SH3RF2: variants seen among roughly 807,000 people sequenced by gnomAD.
SH3RF2 encodes E3 ubiquitin-protein ligase SH3RF2.
Under a neutral mutation model 59.0 loss-of-function variants are expected in SH3RF2, and 43 were observed. That is an observed-to-expected ratio of 0.73 (90% CI 0.57 to 0.94). The LOEUF is 0.94. SH3RF2 is among the 40% of genes least tolerant of loss of function. The probability of loss-of-function intolerance (pLI) is 0.00; values close to 1 mark genes in which losing one functional copy is unlikely to be tolerated. For missense variants in SH3RF2, 930 were observed against 940.1 expected (o/e 0.99, Z 0.14); for synonymous variants, 391 against 391.5 (o/e 1.00, Z 0.01).
intron 2 of SH3RF2, among the ~76,000 whole-genome samples, chr5:145,965,008 C>G (rs1580783359): frequency 6.6e-6 from 1 of 152,056 alleles, no homozygotes; most frequent in African/African-American, 2.4e-5. Flanking sequence ...GCCTGCGCAA[C>G]ACGGTGAAAC....
intron 9 of SH3RF2, 137 bp downstream of exon 9, chr5:146,060,361 T>C (rs893752304): frequency 1.4e-6 from 1 of 740,072 alleles, no homozygotes; most frequent in Non-Finnish European, 2.1e-6. Context: ...ATAACACTCC[T>C]CCTCCCCAAC....
intron 5 of SH3RF2, among the ~76,000 whole-genome samples, chr5:146,038,490 C>T (rs1395136362): frequency 6.6e-6 from 1 of 152,036 alleles, no homozygotes; most frequent in Non-Finnish European, 1.5e-5. Flanking sequence ...TTGCTGAATA[C>T]AAATCAATAT....
At chr5:145,971,103 T>C (rs1351198081) in intron 2 of SH3RF2, among the ~76,000 whole-genome samples, 2 of 152,192 alleles carry the variant, frequency 1.3e-5, no homozygotes, top group African/African-American at 2.4e-5. Flanking sequence ...CACTTTACCC[T>C]GCAAGAACTT....
At chr5:145,945,569 G>T (rs528583917) in intron 2 of SH3RF2, among the ~76,000 whole-genome samples, 1 of 152,268 alleles carries the variant, frequency 6.6e-6, no homozygotes, top group African/African-American at 2.4e-5. Context: ...GTCAGGAAGT[G>T]TATGGTCAAG....
At chr5:146,048,056 T>C (rs1762370152) in intron 6 of SH3RF2, among the ~76,000 whole-genome samples, 193 bp downstream of exon 6, 1 of 152,134 alleles carries the variant, frequency 6.6e-6, no homozygotes, top group East Asian at 1.9e-4. Context: ...CTCACACCTG[T>C]AATCCCAGCA....
intron 3 of SH3RF2, among the ~76,000 whole-genome samples, chr5:146,003,394 T>C (rs1239569906): frequency 6.6e-6 from 1 of 152,256 alleles, no homozygotes; most frequent in Non-Finnish European, 1.5e-5. Context: ...GTGCACTTTA[T>C]TCTATGCATG....
chr5:145,979,336 G>C (rs1759423891), intron 2 of SH3RF2, among the ~76,000 whole-genome samples: 1 of 152,196 alleles, frequency 6.6e-6, no homozygotes, highest in Non-Finnish European at 1.5e-5. Context: ...CAGTGTCAAG[G>C]GACATGATGT....
At chr5:146,020,071 T>G (rs1406064938) in intron 5 of SH3RF2, among the ~76,000 whole-genome samples, 2 of 152,186 alleles carry the variant, frequency 1.3e-5, no homozygotes, top group Non-Finnish European at 2.9e-5. Flanking sequence ...CTTCTTCTTT[T>G]CTAATTTGGA....
intron 2 of SH3RF2, among the ~76,000 whole-genome samples, chr5:145,973,617 T>G (rs960251386): frequency 6.6e-6 from 1 of 152,228 alleles, no homozygotes; most frequent in African/African-American, 2.4e-5. Context: ...GACTGCAGCT[T>G]CCCTATGTCT....
intron 7 of SH3RF2, 184 bp from the exon 8 acceptor site, chr5:146,055,797 G>C (rs900633271): frequency 2.3e-5 from 15 of 643,526 alleles, no homozygotes; most frequent in Non-Finnish European, 4.0e-5. Flanking sequence ...TCCGGGTGTA[G>C]GGAGGTGGGG....
At chr5:146,034,572 G>A (rs1269203613) in intron 5 of SH3RF2, among the ~76,000 whole-genome samples, 1 of 152,110 alleles carries the variant, frequency 6.6e-6, no homozygotes, top group Admixed American at 6.5e-5. Context: ...GGACCCTGGT[G>A]GACTTTGTGG....
chr5:145,961,139 G>A (rs546280455), intron 2 of SH3RF2, among the ~76,000 whole-genome samples: 4 of 147,360 alleles, frequency 2.7e-5, no homozygotes, highest in African/African-American at 1.0e-4. Flanking sequence ...AAGACAGTGG[G>A]ATTTTTTCAG....
chr5:145,985,398 G>T (rs1055419845), intron 2 of SH3RF2, among the ~76,000 whole-genome samples: 1 of 152,194 alleles, frequency 6.6e-6, no homozygotes, highest in Non-Finnish European at 1.5e-5. Context: ...GACAAGCCCA[G>T]CTCCTTCAGA....
At chr5:145,989,115 C>T (rs1368802574) in intron 2 of SH3RF2, among the ~76,000 whole-genome samples, 2 of 152,270 alleles carry the variant, frequency 1.3e-5, no homozygotes, top group Non-Finnish European at 2.9e-5. Flanking sequence ...AGCAAAGTGC[C>T]CCAGATGCAA....
intron 5 of SH3RF2, among the ~76,000 whole-genome samples, chr5:146,042,481 G>A (rs921021794): frequency 5.3e-5 from 8 of 152,158 alleles, no homozygotes; most frequent in African/African-American, 1.9e-4. Flanking sequence ...CCATTTTATC[G>A]ATTTTGAAGA....
At chr5:146,080,582 A>G (rs1019547293) in exon 10 of SH3RF2, 1 of 152,216 alleles carries the variant, frequency 6.6e-6, no homozygotes, top group Non-Finnish European at 1.5e-5. Context: ...CATCCCAAAA[A>G]ATAGAGCGTT....
At position 145,972,096 on chromosome 5, in the gene SH3RF2, A is replaced by G. The variant is rs547233715; in HGVS notation, c.379-27962A>G. 2.5e-4 allele frequency among the ~76,000 whole-genome samples: 38 copies of G among 152,334 alleles called. No homozygotes were observed. In the South Asian group the frequency reaches 7.7e-3, roughly 31 times the overall value. On this transcript the variant is annotated intron_variant, in intron 2 of 9. Transcript: ENST00000359120. ...ATCCAGATCTTTTTCTCTTCAAAAA[A>G]TATGCTTCTTGGAATGCAGAACAAA...
intron 5 of SH3RF2, among the ~76,000 whole-genome samples, chr5:146,035,315 G>A (rs1209057969): frequency 6.6e-6 from 1 of 151,914 alleles, no homozygotes; most frequent in Non-Finnish European, 1.5e-5. Context: ...TTATTTCTGG[G>A]CTCACTAAAT....
intron 2 of SH3RF2, among the ~76,000 whole-genome samples, chr5:145,943,413 A>G (rs1757893723): frequency 6.6e-6 from 1 of 152,210 alleles, no homozygotes; most frequent in South Asian, 2.1e-4. Context: ...TAGTAATTAA[A>G]TGAAACTATG....
Sources: gnomAD v4.1 joint callset for allele counts (sites outside exome capture counted in the v4.1 genomes callset) on GRCh38, gnomAD v4.1.1 for gene constraint, MANE v1.5 for transcripts, NCBI Gene and HGNC (gene_info 2026-07-23, HGNC 2026-07-21) for gene names.